Variants in NEK11 observed in about 807,000 individuals in gnomAD.
NEK11 encodes the protein serine/threonine-protein kinase Nek11.
In NEK11, 72 loss-of-function variants were observed where a neutral mutation model predicts 80.7. The observed-to-expected ratio is 0.89, with a 90% CI of 0.74 to 1.08. NEK11 has a LOEUF of 1.08. NEK11 is among the 50% of genes least tolerant of loss of function. NEK11 has a pLI of 0.00. For missense variants in NEK11, 764 were observed against 763.6 expected, an observed-to-expected ratio of 1.00 and a Z score of -0.01; for synonymous variants, 251 against 260.7, an observed-to-expected ratio of 0.96 and a Z score of 0.36.
chr3:131,116,180 G>T (rs866356315), intron 5 of NEK11, among the ~76,000 whole-genome samples: 9 of 151,758 alleles, frequency 5.9e-5, no homozygotes, highest in Admixed American at 2.6e-4. Context: ...TTGTGTCCAA[G>T]TGTTCTCATT....
At chr3:131,212,466 C>T (rs2094665120) in intron 14 of NEK11, among the ~76,000 whole-genome samples, 1 of 152,206 alleles carries the variant, frequency 6.6e-6, no homozygotes, top group Admixed American at 6.5e-5. Flanking sequence ...AGGAGGCAGT[C>T]TGTCCATTCT....
chr3:131,328,709 C>T (rs1262861715), intron 17 of NEK11: 2 of 152,160 alleles, frequency 1.3e-5, no homozygotes, highest in African/African-American at 4.8e-5. Context: ...GCTTTTTCTC[C>T]CTCTCCCTGA....
rs149159349 is a variant in NEK11, at chr3:131,212,678, A to G, written c.1400-15850A>G. Among the ~76,000 whole-genome samples the G allele has an allele frequency of 7.4e-4, 112 of 152,352 alleles. 1 individual carries two copies. Among genetic ancestry groups the G allele is most frequent in the African/African-American group, 2.5e-3 (103 of 41,580 alleles). ...TGTCAAGATGTTTCTTAGTACTAGA[A>G]GAGGCCTGGAATTCTACTGTTAGGG... On this transcript the variant is annotated intron_variant, in intron 14 of 17. Coordinates refer to ENST00000383366, the MANE Select transcript of NEK11 (RefSeq NM_024800.5).
intron 16 of NEK11, among the ~76,000 whole-genome samples, chr3:131,244,871 T>C (rs1392884533): frequency 6.6e-6 from 1 of 152,048 alleles, no homozygotes; most frequent in Non-Finnish European, 1.5e-5. Context: ...CTGCGGTGAG[T>C]TGTGATTATA....
At chr3:131,300,675 G>C (rs574977644) in intron 17 of NEK11, among the ~76,000 whole-genome samples, 6 of 152,166 alleles carry the variant, frequency 3.9e-5, no homozygotes, top group African/African-American at 1.4e-4. Context: ...CTTTGTCCAA[G>C]ATCGGATGGT....
intron 17 of NEK11, among the ~76,000 whole-genome samples, chr3:131,283,013 C>T (rs2096420248): frequency 6.6e-6 from 1 of 152,124 alleles, no homozygotes; most frequent in Non-Finnish European, 1.5e-5. Context: ...GAAGTTCTCA[C>T]CATATACCTG....
At chr3:131,112,244 T>A (rs1026392368) in intron 5 of NEK11, among the ~76,000 whole-genome samples, 3 of 152,096 alleles carry the variant, frequency 2.0e-5, no homozygotes, top group African/African-American at 7.2e-5. Context: ...ATTCTATAAT[T>A]TAAAAACAAT....
chr3:131,084,184 A>T (rs1157951623), intron 4 of NEK11, among the ~76,000 whole-genome samples: 1 of 152,172 alleles, frequency 6.6e-6, no homozygotes, highest in African/African-American at 2.4e-5. Flanking sequence ...TTTATCTCTC[A>T]TGGTACAAAG....
At chr3:131,225,318 T>C (rs753076215) in intron 14 of NEK11, among the ~76,000 whole-genome samples, 4 of 152,152 alleles carry the variant, frequency 2.6e-5, no homozygotes, top group Admixed American at 6.5e-5. Flanking sequence ...TAAACATAGA[T>C]GTGTAGTAGG....
intron 7 of NEK11, among the ~76,000 whole-genome samples, 185 bp from the exon 8 acceptor site, chr3:131,152,203 T>C (rs150507740): frequency 2.0e-4 from 29 of 144,332 alleles, no homozygotes; most frequent in African/African-American, 6.6e-4. Flanking sequence ...ACTTTTTTGG[T>C]TTTTTTTTTG....
chr3:131,187,100 A>G (rs1579818381), intron 14 of NEK11, among the ~76,000 whole-genome samples: 1 of 152,300 alleles, frequency 6.6e-6, no homozygotes, highest in South Asian at 2.1e-4. Flanking sequence ...AGGAGCACAC[A>G]CTGAAAGCAA....
chr3:131,119,549 T>C (rs2081992499), intron 5 of NEK11, among the ~76,000 whole-genome samples: 1 of 152,194 alleles, frequency 6.6e-6, no homozygotes, highest in Admixed American at 6.5e-5. Flanking sequence ...CTTGTTGTTC[T>C]GCCTAATGTT....
chr3:131,276,293 A>C (rs908928529), intron 17 of NEK11, among the ~76,000 whole-genome samples: 1 of 152,212 alleles, frequency 6.6e-6, no homozygotes, highest in Non-Finnish European at 1.5e-5. Context: ...AATCTTCTGG[A>C]GACCAACACC....
intron 3 of NEK11, among the ~76,000 whole-genome samples, chr3:131,045,548 A>C (rs1426521940): frequency 1.3e-5 from 2 of 152,170 alleles, no homozygotes; most frequent in Non-Finnish European, 2.9e-5. Context: ...CAATTTATTG[A>C]GACCTGTTTT....
chr3:131,270,798 C>T (rs1407849778), intron 16 of NEK11, among the ~76,000 whole-genome samples: 2 of 152,170 alleles, frequency 1.3e-5, no homozygotes, highest in African/African-American at 4.8e-5. Flanking sequence ...TAAACTGCAG[C>T]TCTCCTGGAA....
intron 4 of NEK11, among the ~76,000 whole-genome samples, chr3:131,086,385 AT>A (rs1403895238): frequency 2.6e-5 from 4 of 152,206 alleles, no homozygotes; most frequent in Non-Finnish European, 5.9e-5. Flanking sequence ...ACTAATTGGT[AT>A]TCCACTGTAA....
chr3:131,104,766 GCTTCAGTGGTAGCTCTGCACAGA>G (rs2149301542), intron 4 of NEK11, among the ~76,000 whole-genome samples: 1 of 152,298 alleles, frequency 6.6e-6, no homozygotes, highest in South Asian at 2.1e-4. Context: ...CTCAATGTGG[GCTTCAGTGGTAGCTCTGCACAGA>G]CTCCACAAGC....
intron 4 of NEK11, among the ~76,000 whole-genome samples, chr3:131,099,510 G>A (rs1278989146): frequency 6.6e-6 from 1 of 151,878 alleles, no homozygotes; most frequent in Non-Finnish European, 1.5e-5. Flanking sequence ...GAAGAATGAT[G>A]CTGGTAGTTT....
At chr3:131,193,847 AGCCAAAT>A (rs1315078952) in intron 14 of NEK11, among the ~76,000 whole-genome samples, 2 of 152,214 alleles carry the variant, frequency 1.3e-5, no homozygotes, top group African/African-American at 4.8e-5. Context: ...TAAATGAATC[AGCCAAAT>A]GCCTGGCTCC....
Sources: gnomAD v4.1 joint callset for allele counts (sites outside exome capture counted in the v4.1 genomes callset) on GRCh38, gnomAD v4.1.1 for gene constraint, MANE v1.5 for transcripts, NCBI Gene and HGNC (gene_info 2026-07-23, HGNC 2026-07-21) for gene names.